NFATC1: variants seen among roughly 807,000 people sequenced by gnomAD.
NFATC1 encodes the protein nuclear factor of activated T cells 1.
In NFATC1, 22 loss-of-function variants were observed where a neutral mutation model predicts 76.0. The ratio of observed to expected loss-of-function variants is 0.29; its 90% CI spans 0.21 to 0.41. The LOEUF is 0.41. NFATC1 is among the 10% of genes least tolerant of loss of function. The pLI is 1.00. For missense variants in NFATC1, 1,357 were observed against 1,337.7 expected, an observed-to-expected ratio of 1.01 and a Z score of -0.23; for synonymous variants, 704 against 613.1, an observed-to-expected ratio of 1.15 and a Z score of -2.19.
chr18:79,396,389 C>T (rs759679004), intron 1 of NFATC1, 38 bp downstream of exon 1: 149 of 1,170,872 alleles, frequency 1.3e-4, no homozygotes, highest in Non-Finnish European at 1.6e-4. Context: ...GACCCCTGCG[C>T]CCCCCACGGC....
At chr18:79,475,519 T>C (rs1168838206) in intron 8 of NFATC1, among the ~76,000 whole-genome samples, 1 of 146,512 alleles carries the variant, frequency 6.8e-6, no homozygotes, top group African/African-American at 2.6e-5. Context: ...CGTGTTCTCA[T>C]GCTCACCGTC....
chr18:79,516,439 C>T (rs1361557844), intron 9 of NFATC1, among the ~76,000 whole-genome samples: 1 of 152,162 alleles, frequency 6.6e-6, no homozygotes, highest in Non-Finnish European at 1.5e-5. Context: ...AATGCAGAAT[C>T]GTAAAGAAGG....
intron 9 of NFATC1, among the ~76,000 whole-genome samples, chr18:79,489,781 G>A (rs942549244): frequency 6.6e-6 from 1 of 152,214 alleles, no homozygotes; most frequent in African/African-American, 2.4e-5. Context: ...GACCCCGAGC[G>A]CCAGCCCTGC....
intron 7 of NFATC1, among the ~76,000 whole-genome samples, chr18:79,464,669 T>TGTGTGTGTACGTATATATATACACAC (rs1224530916): frequency 1.6e-5 from 2 of 122,252 alleles, no homozygotes; most frequent in Non-Finnish European, 1.7e-5. Flanking sequence ...TGTGTGTGTG[T>TGTGTGTGTACGTATATATATACACAC]GTATATGTAT....
rs183268324 is a variant in NFATC1, at chr18:79,483,606, G to A, written c.2093-2642G>A. On this transcript the variant is annotated intron_variant, in intron 8 of 9. Transcript: ENST00000427363. ...CTGGTTCCTGGGGCGTCACTCCGGCGTGACCTCGTTCCTGGGGCGTCACTC... is the reference window on the plus strand; with the variant it reads ...CTGGTTCCTGGGGCGTCACTCCGGCATGACCTCGTTCCTGGGGCGTCACTC... Among the ~76,000 whole-genome samples the A allele has an allele frequency of 2.5e-3, 334 of 135,936 alleles. 18 individuals carry two copies. Among genetic ancestry groups the A allele is most frequent in the East Asian group, 3.0e-3 (13 of 4,328 alleles). The allele number at this position is 135,936 out of a possible 152,430, so 89.2% of individuals were successfully genotyped here.
chr18:79,411,452 C>A lies in NFATC1; in HGVS notation c.1177C>A (p.Pro393Thr). ...CDQYLAVPQHPYQWAKPKPLS... is the reference protein window; with the variant it reads ...CDQYLAVPQHTYQWAKPKPLS... ...CCAGTACCTGGCGGTGCCGCAGCAC[C>A]CCTACCAGTGGGCGAAGCCCAAGCC... is the stretch of plus-strand genomic sequence containing the variant. Residue 393 changes from proline to threonine, a missense_variant, in exon 2 of 10, where the codon CCC becomes ACC. Pro to Thr is a conservative substitution (Grantham distance 38). Transcript: ENST00000427363. 2 of 1,516,286 alleles carry A rather than the reference C, an allele frequency of 1.3e-6. No homozygotes were observed. Among genetic ancestry groups the A allele is most frequent in the Non-Finnish European group, 1.8e-6 (2 of 1,135,998 alleles). The allele number at this position is 1,516,286 out of a possible 1,614,324, so 93.9% of individuals were successfully genotyped here.
At chr18:79,481,448 T>G (rs1391797357) in intron 8 of NFATC1, among the ~76,000 whole-genome samples, 1 of 152,236 alleles carries the variant, frequency 6.6e-6, no homozygotes, top group African/African-American at 2.4e-5. Flanking sequence ...GGGTAGGGTT[T>G]CCCAATCAAC....
At chr18:79,483,523 C>CT (rs2089385220) in intron 8 of NFATC1, among the ~76,000 whole-genome samples, 1 of 119,972 alleles carries the variant, frequency 8.3e-6, no homozygotes, top group Non-Finnish European at 1.7e-5. Context: ...CCGGCGTGAC[C>CT]TGGTCCTGGG....
intron 3 of NFATC1, among the ~76,000 whole-genome samples, chr18:79,438,909 G>GT (rs1271516048): frequency 2.0e-5 from 3 of 152,328 alleles, no homozygotes; most frequent in Non-Finnish European, 2.9e-5. Flanking sequence ...CGTAACAGAC[G>GT]TTTTTTCTGT....
chr18:79,435,425 T>A (rs1001155819), intron 3 of NFATC1, among the ~76,000 whole-genome samples: 4 of 150,916 alleles, frequency 2.7e-5, no homozygotes, highest in African/African-American at 9.7e-5. Flanking sequence ...CTCAGCTCAC[T>A]GCAACCTCTG....
Position 79,451,661 on chromosome 18 carries a change from C to T in NFATC1, c.1763-15C>T, listed in dbSNP as rs756214550. On this transcript the variant is annotated splice_polypyrimidine_tract_variant and intron_variant, in intron 5 of 9. Transcript: ENST00000427363. ...CTCAGGACAGGCCCTCACTGCCCCT[C>T]TCCTTCTGATGCAGCCCAGCGCTCA... 1 of 1,576,642 alleles carries T rather than the reference C, an allele frequency of 6.3e-7. No homozygotes were observed. The highest frequency in any genetic ancestry group is 1.7e-5 in the Admixed American group (1 of 57,328).
chr18:79,432,849 A>G (rs1313960387), intron 2 of NFATC1, among the ~76,000 whole-genome samples: 1 of 148,362 alleles, frequency 6.7e-6, no homozygotes, highest in Non-Finnish European at 1.5e-5. Flanking sequence ...CACACCAAAC[A>G]TTCATCTCCT....
In NFATC1 at chr18:79,410,020, A is replaced by G; in HGVS notation, c.128-383A>G. The G allele has an allele frequency of 1.7e-6, 1 of 578,578 alleles. No homozygotes were observed. Among genetic ancestry groups the G allele is most frequent in the East Asian group, 4.2e-5 (1 of 24,076 alleles). The allele number at this position is 578,578 out of a possible 1,614,324, so 35.8% of individuals were successfully genotyped here. On this transcript the variant is annotated intron_variant, in intron 1 of 9. Transcript: ENST00000427363. The surrounding 1 kb of genome is among the most constrained non-coding windows in gnomAD (Gnocchi z 6.7). ...TGAATGAAGAGCGGAACCCGTGAGGACCCAGTCGCCTCTCTCTGGGAAGGA... is the reference window on the plus strand; with the variant it reads ...TGAATGAAGAGCGGAACCCGTGAGGGCCCAGTCGCCTCTCTCTGGGAAGGA...
intron 2 of NFATC1, among the ~76,000 whole-genome samples, chr18:79,431,493 C>A (rs2086586687): frequency 6.6e-6 from 1 of 151,992 alleles, no homozygotes; most frequent in African/African-American, 2.4e-5. Context: ...GGCTGGGATC[C>A]TCCCCACTCA....
chr18:79,449,976 A>G (rs9959462), intron 4 of NFATC1, among the ~76,000 whole-genome samples: 53,484 of 152,224 alleles, frequency 0.35, 13,444 homozygotes, highest in African/African-American at 0.71. Context: ...AATTCATTCC[A>G]AATCCCTGAG....
intron 9 of NFATC1, among the ~76,000 whole-genome samples, chr18:79,522,195 TGG>T (rs1223541660): frequency 7.8e-5 from 2 of 25,606 alleles, no homozygotes; most frequent in African/African-American, 1.6e-4. Context: ...TTTGTGTGTG[TGG>T]GGGGGGGTGT....
intron 8 of NFATC1, among the ~76,000 whole-genome samples, chr18:79,476,272 C>T (rs1472595871): frequency 6.6e-6 from 1 of 152,224 alleles, no homozygotes; most frequent in Admixed American, 6.5e-5. Context: ...CATGCTGCTG[C>T]CCCACCGTGG....
chr18:79,507,407 C>T (rs1473275917), intron 9 of NFATC1, among the ~76,000 whole-genome samples: 3 of 152,208 alleles, frequency 2.0e-5, no homozygotes, highest in Non-Finnish European at 2.9e-5. Context: ...CAGGCGTGGC[C>T]GGCAGGCTGT....
At chr18:79,468,715 A>G (rs191535443) in intron 8 of NFATC1, 1 of 152,406 alleles carries the variant, frequency 6.6e-6, no homozygotes, top group African/African-American at 2.4e-5. Context: ...TTATCAGGCA[A>G]GCTCTGGAAA....
Sources: allele counts gnomAD v4.1 joint callset (sites outside exome capture counted in the v4.1 genomes callset), GRCh38; gene constraint gnomAD v4.1.1; non-coding constraint Gnocchi (gnomAD v3.1); transcripts MANE v1.5; gene names NCBI Gene and HGNC (gene_info 2026-07-23, HGNC 2026-07-21).